The following TRIO variants were observed in gnomAD, a reference collection of about 807,000 sequenced individuals.
The protein encoded by TRIO is triple functional domain protein.
TRIO carries 58 observed loss-of-function variants against 351.9 expected under a neutral mutation model. The ratio of observed to expected loss-of-function variants is 0.16; its 90% CI spans 0.13 to 0.21. The LOEUF (loss-of-function observed/expected upper bound fraction) is 0.21, where lower values mean the gene tolerates loss of function less well. Ranked by LOEUF, TRIO falls within the 10% of genes least tolerant of loss-of-function variation. The probability of loss-of-function intolerance (pLI) is 1.00; values close to 1 mark genes in which losing one functional copy is unlikely to be tolerated. For synonymous variants in TRIO, 1,758 were observed against 1,595.7 expected (o/e 1.10, Z -2.42); for missense variants, 3,201 against 4,027.8 (o/e 0.79, Z 5.56).
chr5:14,208,748 C>T (rs1791692189), intron 1 of TRIO, among the ~76,000 whole-genome samples: 4 of 152,198 alleles, frequency 2.6e-5, no homozygotes, highest in Admixed American at 2.0e-4. Flanking sequence ...GTTCATCAGA[C>T]CTTGTTCAAA....
At chr5:14,434,610 G>A (rs1313674397) in intron 34 of TRIO, among the ~76,000 whole-genome samples, 3 of 152,162 alleles carry the variant, frequency 2.0e-5, no homozygotes, top group Non-Finnish European at 4.4e-5. Flanking sequence ...CTCACATACG[G>A]TGATGAAAAT....
intron 18 of TRIO, among the ~76,000 whole-genome samples, chr5:14,372,865 C>T (rs188092977): frequency 1.3e-5 from 2 of 152,236 alleles, no homozygotes; most frequent in Non-Finnish European, 2.9e-5. Context: ...GGTTTGACAG[C>T]GTATTAGTCC....
At position 14,338,476 on chromosome 5, in the gene TRIO, C is replaced by A. The variant is rs376162161; in HGVS notation, c.2046+1749C>A. Reference sequence around the variant, plus strand: ...CACCTTCTAGAGCTCCCTCTACATGCACCTGTTAACGGCAGTTGTCATGCG... The same window carrying A: ...CACCTTCTAGAGCTCCCTCTACATGAACCTGTTAACGGCAGTTGTCATGCG... On this transcript the variant is annotated intron_variant, in intron 11 of 56. Transcript: ENST00000344204. Among the ~76,000 whole-genome samples, 34 of 152,344 alleles carry A rather than the reference C, an allele frequency of 2.2e-4. No homozygotes were observed. The East Asian group carries it at 5.4e-3, about 24-fold the overall frequency.
chr5:14,365,461 G>A (rs144074322), intron 15 of TRIO, among the ~76,000 whole-genome samples: 4 of 152,288 alleles, frequency 2.6e-5, no homozygotes, highest in South Asian at 2.1e-4. Flanking sequence ...AGGTGGTGCA[G>A]AAGTAGGTGG....
chr5:14,473,986 A>G lies in TRIO; in HGVS notation c.5980-8A>G. 6.2e-7 allele frequency: 1 copy of G among 1,610,190 alleles called. No individual in the cohort carries two copies. The highest frequency in any genetic ancestry group is 8.5e-7 in the Non-Finnish European group (1 of 1,176,770). ...TGAAATACACTTATCATAACTGTTT[A>G]ATTGTAGGGCTACATGGCACTTATG... On this transcript the variant is annotated splice_polypyrimidine_tract_variant and splice_region_variant and intron_variant, in intron 39 of 56. Transcript: ENST00000344204.
intron 1 of TRIO, among the ~76,000 whole-genome samples, chr5:14,245,119 T>C (rs1299495872): frequency 2.6e-5 from 4 of 152,242 alleles, no homozygotes; most frequent in African/African-American, 9.6e-5. Flanking sequence ...GATCAGCTTC[T>C]CTAATATTGT....
intron 34 of TRIO, among the ~76,000 whole-genome samples, chr5:14,438,115 C>T (rs991476175): frequency 2.0e-5 from 3 of 152,166 alleles, no homozygotes; most frequent in Non-Finnish European, 2.9e-5. Context: ...TCACAAACTC[C>T]GTTAAATTTC....
intron 1 of TRIO, among the ~76,000 whole-genome samples, chr5:14,254,188 C>G (rs924411113): frequency 2.6e-5 from 4 of 151,748 alleles, no homozygotes; most frequent in Admixed American, 6.6e-5. Context: ...AGTTCTCCCC[C>G]CCTCCCCCCG....
At chr5:14,303,180 G>T (rs1344574130) in intron 7 of TRIO, among the ~76,000 whole-genome samples, 1 of 125,252 alleles carries the variant, frequency 8.0e-6, no homozygotes, top group Non-Finnish European at 1.8e-5. Flanking sequence ...GATGGCTGCC[G>T]CAGGACTGTT....
intron 1 of TRIO, among the ~76,000 whole-genome samples, chr5:14,168,671 G>T (rs944271454): frequency 6.6e-6 from 1 of 152,162 alleles, no homozygotes; most frequent in Non-Finnish European, 1.5e-5. Context: ...CATTCAGTTG[G>T]TCTGGCTTTA....
At chr5:14,324,786 A>C (rs1321505834) in intron 9 of TRIO, among the ~76,000 whole-genome samples, 20 of 152,236 alleles carry the variant, frequency 1.3e-4, no homozygotes, top group Non-Finnish European at 2.6e-4. Context: ...AGATTAGAAA[A>C]GTAACACAGT....
In TRIO at chr5:14,169,799, T is replaced by C. The variant is rs1048371219; in HGVS notation, c.157+25917T>C. Reference sequence around the variant, plus strand: ...AAGTGATAAGCACTTAATGGCATTTTGGGATTAGCTTGAGAATATCTGTAA... The same window carrying C: ...AAGTGATAAGCACTTAATGGCATTTCGGGATTAGCTTGAGAATATCTGTAA... On this transcript the variant is annotated intron_variant, in intron 1 of 56. Coordinates refer to ENST00000344204, the MANE Select transcript of TRIO (RefSeq NM_007118.4). 5.3e-5 allele frequency among the ~76,000 whole-genome samples: 8 copies of C among 152,366 alleles called. No homozygotes were observed. The East Asian group carries it at 1.5e-3, about 29-fold the overall frequency.
At chr5:14,205,694 CATT>C (rs1791414013) in intron 1 of TRIO, among the ~76,000 whole-genome samples, 1 of 152,266 alleles carries the variant, frequency 6.6e-6, no homozygotes, top group South Asian at 2.1e-4. Context: ...CTAATGAAAA[CATT>C]ATACGCATAC....
At chr5:14,480,382 T>C (rs1755423230) in intron 43 of TRIO, among the ~76,000 whole-genome samples, 1 of 152,224 alleles carries the variant, frequency 6.6e-6, no homozygotes, top group East Asian at 1.9e-4. Flanking sequence ...AATGAAAATA[T>C]CAGTAAAAGT....
In TRIO at chr5:14,305,410, C is replaced by T. The variant is rs188988033; in HGVS notation, c.1500+818C>T. ...ATAGTTACGTTCCTGGAGGTGAAGGCGAGGGGTGTAGAGAGGAATTCTGTG... is the reference window on the plus strand; with the variant it reads ...ATAGTTACGTTCCTGGAGGTGAAGGTGAGGGGTGTAGAGAGGAATTCTGTG... On this transcript the variant is annotated intron_variant, in intron 8 of 56. Coordinates refer to ENST00000344204, the MANE Select transcript of TRIO (RefSeq NM_007118.4). Among the ~76,000 whole-genome samples, 23 of 152,222 alleles carry T rather than the reference C, an allele frequency of 1.5e-4. No individual in the cohort carries two copies. In the East Asian group the frequency reaches 2.7e-3, roughly 18 times the overall value.
At chr5:14,307,614 C>G (rs578253376) in intron 8 of TRIO, among the ~76,000 whole-genome samples, 2 of 152,314 alleles carry the variant, frequency 1.3e-5, no homozygotes, top group Admixed American at 1.3e-4. Context: ...ATCTTGGCCA[C>G]TTGGTCAGAT....
intron 34 of TRIO, among the ~76,000 whole-genome samples, chr5:14,423,567 C>T (rs566740296): frequency 2.0e-4 from 31 of 152,256 alleles, no homozygotes; most frequent in African/African-American, 6.7e-4. Flanking sequence ...CACCTTTTCC[C>T]TTTCTTCCCA....
At chr5:14,406,451 G>A (rs936560088) in intron 32 of TRIO, 122 bp from the exon 33 acceptor site, 27 of 883,036 alleles carry the variant, frequency 3.1e-5, no homozygotes, top group East Asian at 2.5e-4. Flanking sequence ...ACCATTGTCC[G>A]CATCCTGGCA....
intron 1 of TRIO, among the ~76,000 whole-genome samples, chr5:14,196,839 A>G (rs1220436722): frequency 2.0e-5 from 3 of 152,218 alleles, no homozygotes; most frequent in East Asian, 3.8e-4. Flanking sequence ...AAGATCCTTT[A>G]GCTTAAATTT....
Sources: allele counts gnomAD v4.1 joint callset (sites outside exome capture counted in the v4.1 genomes callset), GRCh38; gene constraint gnomAD v4.1.1; transcripts MANE v1.5; gene names NCBI Gene and HGNC (gene_info 2026-07-23, HGNC 2026-07-21).